Variants in ANO5 observed in about 807,000 individuals in gnomAD.
The protein encoded by ANO5 is anoctamin 5.
Under a neutral mutation model 121.0 loss-of-function variants are expected in ANO5, and 109 were observed. The ratio of observed to expected loss-of-function variants is 0.90; its 90% CI spans 0.77 to 1.06. The LOEUF (loss-of-function observed/expected upper bound fraction) is 1.06, where lower values mean the gene tolerates loss of function less well. Ranked by LOEUF, ANO5 falls within the 50% of genes least tolerant of loss-of-function variation. The pLI, the probability that ANO5 is intolerant of heterozygous loss-of-function variation, is 0.00. For synonymous variants in ANO5, 406 were observed against 359.9 expected (o/e 1.13, Z -1.45); for missense variants, 1,064 against 1,078.5 (o/e 0.99, Z 0.19).
chr11:22,211,994 ACT>A (rs1852292502), intron 3 of ANO5, among the ~76,000 whole-genome samples: 1 of 49,230 alleles, frequency 2.0e-5, no homozygotes, highest in African/African-American at 1.6e-4. Flanking sequence ...ATTTATTTTT[ACT>A]TTTTTTTTTT....
chr11:22,255,342 C>CT (rs746098741), intron 12 of ANO5, 29 bp from the exon 13 acceptor site: 77 of 1,513,918 alleles, frequency 5.1e-5, no homozygotes, highest in Middle Eastern at 2.0e-4. Flanking sequence ...TTTTTAATAT[C>CT]TTTTTTTTAT....
intron 5 of ANO5, among the ~76,000 whole-genome samples, chr11:22,223,423 T>C (rs780241370): frequency 3.3e-5 from 5 of 152,018 alleles, no homozygotes; most frequent in Admixed American, 2.0e-4. Context: ...GCAAGCCCAT[T>C]AGAGTGCCCT....
At chr11:22,264,303 G>A (rs1455148497) in intron 17 of ANO5, among the ~76,000 whole-genome samples, 1 of 151,918 alleles carries the variant, frequency 6.6e-6, no homozygotes, top group Non-Finnish European at 1.5e-5. Flanking sequence ...GGGATTACAG[G>A]CGTAAGCCAC....
chr11:22,224,077 A>T (rs757163974), intron 5 of ANO5, among the ~76,000 whole-genome samples: 1 of 151,820 alleles, frequency 6.6e-6, no homozygotes, highest in Non-Finnish European at 1.5e-5. Context: ...AGGACTCCAC[A>T]TTATCTTAGT....
At chr11:22,212,739 T>A (rs921625205) in intron 3 of ANO5, among the ~76,000 whole-genome samples, 1 of 151,848 alleles carries the variant, frequency 6.6e-6, no homozygotes, top group Non-Finnish European at 1.5e-5. Flanking sequence ...ATATTCATCT[T>A]TTTCTACATT....
Position 22,282,594 on chromosome 11 carries a change from G to A in ANO5, c.*2829G>A, listed in dbSNP as rs1358141506. The A allele has an allele frequency of 6.6e-6, 1 of 152,146 alleles. No homozygotes were observed. The highest frequency in any genetic ancestry group is 6.6e-5 in the Admixed American group (1 of 15,262). 9.4% of individuals were successfully genotyped at this position (152,146 alleles called of 1,614,324 possible). On this transcript the variant is annotated 3_prime_UTR_variant, in exon 22 of 22. Transcript: ENST00000324559. Reference sequence around the variant, plus strand: ...GTGTGTTTCTTTGGAAGAAAGAGCTGTTCCGAGGAAGTTTGGTCCAGCTGT... The same window carrying A: ...GTGTGTTTCTTTGGAAGAAAGAGCTATTCCGAGGAAGTTTGGTCCAGCTGT...
At chr11:22,206,556 C>T (rs933112773) in intron 2 of ANO5, among the ~76,000 whole-genome samples, 5 of 152,026 alleles carry the variant, frequency 3.3e-5, no homozygotes, top group African/African-American at 4.8e-5. Flanking sequence ...TCAAGTGATC[C>T]GCCTACCTTG....
chr11:22,252,383 A>G (rs1265298104), intron 12 of ANO5, among the ~76,000 whole-genome samples: 1 of 152,306 alleles, frequency 6.6e-6, no homozygotes, highest in Admixed American at 6.5e-5. Flanking sequence ...CCATTGAGAG[A>G]GATTGTGCAC....
upstream of ANO5, among the ~76,000 whole-genome samples, chr11:22,192,633 G>T (rs1228881502): frequency 6.6e-6 from 1 of 152,250 alleles, no homozygotes; most frequent in African/African-American, 2.4e-5. Context: ...TCTCCGAGTG[G>T]CACGCATGAG....
Position 22,276,121 on chromosome 11 carries a change from T to A in ANO5, c.2442T>A (p.Asp814Glu). 6.2e-7 allele frequency: 1 copy of A among 1,610,976 alleles called. No individual in the cohort carries two copies. The highest frequency in any genetic ancestry group is 8.5e-7 in the Non-Finnish European group (1 of 1,177,652). Residue 814 changes from aspartate (D) to glutamate (E), a missense_variant, in exon 21 of 22, where the codon GAT (aspartate) becomes GAA (glutamate). Asp to Glu is a conservative substitution (Grantham distance 45). Coordinates refer to ENST00000324559, the MANE Select transcript of ANO5 (RefSeq NM_213599.3). ...CRYRDYRYPP[D>E]DENKYFHNMQ... ...ACAGAGATTACAGATATCCTCCTGA[T>A]GACGAGAATAAATATTTTCATAATA...
chr11:22,222,932 C>T lies in ANO5; in HGVS notation c.294+1722C>T, dbSNP rs1852701870. On this transcript the variant is annotated intron_variant, in intron 5 of 21. Coordinates refer to ENST00000324559, the MANE Select transcript of ANO5 (RefSeq NM_213599.3). Reference sequence around the variant, plus strand: ...TTCCTCACACCTCCAACACCTCCTCCTGTCTTCAAGCTTAGCTGATCATAT... The same window carrying T: ...TTCCTCACACCTCCAACACCTCCTCTTGTCTTCAAGCTTAGCTGATCATAT... 1.3e-5 allele frequency among the ~76,000 whole-genome samples: 2 copies of T among 152,006 alleles called. 1 individual carries two copies. Among genetic ancestry groups the T allele is most frequent in the South Asian group, 4.1e-4 (2 of 4,828 alleles).
chr11:22,234,135 A>C (rs1853138232), intron 7 of ANO5, among the ~76,000 whole-genome samples: 1 of 152,156 alleles, frequency 6.6e-6, no homozygotes. Context: ...AAATTTGCTC[A>C]ACTATAATTT....
At chr11:22,217,535 C>T (rs1156989571) in intron 3 of ANO5, among the ~76,000 whole-genome samples, 1 of 151,616 alleles carries the variant, frequency 6.6e-6, no homozygotes, top group Non-Finnish European at 1.5e-5. Flanking sequence ...GCATACTTAA[C>T]AAAATATCTA....
At chr11:22,212,157 A>G (rs1459287745) in intron 3 of ANO5, among the ~76,000 whole-genome samples, 1 of 151,904 alleles carries the variant, frequency 6.6e-6, no homozygotes, top group Non-Finnish European at 1.5e-5. Context: ...AAAATATTTT[A>G]CCACGAGAAC....
At chr11:22,260,341 T>G (rs1441661866) in intron 15 of ANO5, among the ~76,000 whole-genome samples, 1 of 152,190 alleles carries the variant, frequency 6.6e-6, no homozygotes, top group African/African-American at 2.4e-5. Context: ...TCCTGGCAAG[T>G]TAGCAGTAAG....
intron 17 of ANO5, among the ~76,000 whole-genome samples, chr11:22,269,755 A>G (rs1854540981): frequency 6.6e-6 from 1 of 152,074 alleles, no homozygotes; most frequent in African/African-American, 2.4e-5. Context: ...TTCACCTCAA[A>G]CCAGTCAATG....
intron 3 of ANO5, among the ~76,000 whole-genome samples, chr11:22,214,599 G>T (rs185267287): frequency 2.0e-5 from 3 of 152,040 alleles, no homozygotes; most frequent in African/African-American, 7.2e-5. Flanking sequence ...CCAGAAGGAA[G>T]AACTCATATA....
chr11:22,218,732 T>G (rs956300540), intron 4 of ANO5, among the ~76,000 whole-genome samples: 2 of 151,968 alleles, frequency 1.3e-5, no homozygotes, highest in Non-Finnish European at 2.9e-5. Flanking sequence ...AGCTAATTTT[T>G]GTATTTTTAG....
At chr11:22,205,766 G>A (rs573775817) in intron 2 of ANO5, among the ~76,000 whole-genome samples, 5 of 151,934 alleles carry the variant, frequency 3.3e-5, no homozygotes, top group South Asian at 2.1e-4. Flanking sequence ...AACCAATATC[G>A]GGAATAAAGC....
Sources: allele counts gnomAD v4.1 joint callset (sites outside exome capture counted in the v4.1 genomes callset), GRCh38; gene constraint gnomAD v4.1.1; transcripts MANE v1.5; gene names NCBI Gene and HGNC (gene_info 2026-07-23, HGNC 2026-07-21).